ZNF704: variants seen among roughly 807,000 people sequenced by gnomAD.
ZNF704 encodes the protein zinc finger protein 704.
Under a neutral mutation model 44.7 loss-of-function variants are expected in ZNF704, and 10 were observed. That is an observed-to-expected ratio of 0.22 (90% CI 0.14 to 0.38). The LOEUF (loss-of-function observed/expected upper bound fraction) is 0.38. Among genes scored for constraint, ZNF704 ranks in the 10% least tolerant of loss-of-function variants. ZNF704 has a pLI of 1.00. For missense variants in ZNF704, 390 were observed against 545.5 expected, an observed-to-expected ratio of 0.71 and a Z score of 2.84; for synonymous variants, 211 against 207.6, an observed-to-expected ratio of 1.02 and a Z score of -0.14.
chr8:80,632,930 G>A lies in ZNF704; in HGVS notation c.*8436C>T, dbSNP rs1197074161. The A allele has an allele frequency of 1.3e-5, 2 of 152,270 alleles. No homozygotes were observed. The highest frequency in any genetic ancestry group is 1.5e-5 in the Non-Finnish European group (1 of 68,020). The allele number at this position is 152,270 out of a possible 1,614,324, so 9.4% of individuals were successfully genotyped here. On this transcript the variant is annotated 3_prime_UTR_variant, in exon 9 of 9. Coordinates refer to ENST00000327835, the MANE Select transcript of ZNF704 (RefSeq NM_001033723.3). Reference sequence around the variant, plus strand: ...CAAAAACCCTGTTCATGATGTAGGAGTCTGGCCAAAAAGTTTTTTTTTGAG... The same window carrying A: ...CAAAAACCCTGTTCATGATGTAGGAATCTGGCCAAAAAGTTTTTTTTTGAG...
At chr8:80,809,360 G>C (rs940363147) in intron 2 of ZNF704, among the ~76,000 whole-genome samples, 5 of 152,176 alleles carry the variant, frequency 3.3e-5, no homozygotes, top group African/African-American at 4.8e-5. Flanking sequence ...AAAAATATGT[G>C]ATAGCAAATT....
chr8:80,833,896 G>A (rs1808512355), intron 1 of ZNF704, among the ~76,000 whole-genome samples: 1 of 152,080 alleles, frequency 6.6e-6, no homozygotes. Flanking sequence ...TTTTGGAATG[G>A]GCCAAAGTGT....
At chr8:80,775,444 G>A (rs1468922389) in intron 2 of ZNF704, among the ~76,000 whole-genome samples, 1 of 152,186 alleles carries the variant, frequency 6.6e-6, no homozygotes, top group African/African-American at 2.4e-5. Context: ...GGTGGCATCT[G>A]AGAAGCCATG....
At chr8:80,876,359 A>C (rs896011996), upstream of ZNF704, among the ~76,000 whole-genome samples, 3 of 152,252 alleles carry the variant, frequency 2.0e-5, no homozygotes, top group South Asian at 6.2e-4. Context: ...TAGAGTGTGC[A>C]AAGAATTAAG....
chr8:80,689,450 G>C (rs1431335408), intron 3 of ZNF704, among the ~76,000 whole-genome samples: 1 of 152,094 alleles, frequency 6.6e-6, no homozygotes, highest in Non-Finnish European at 1.5e-5. Context: ...ACTCCCTGCA[G>C]TCTACACAGA....
intron 2 of ZNF704, among the ~76,000 whole-genome samples, chr8:80,720,522 G>C (rs35734659): frequency 0.17 from 26,488 of 152,168 alleles, 4,695 homozygotes; most frequent in African/African-American, 0.46. Flanking sequence ...AGTTCTATTT[G>C]AATAACTCAG....
intron 2 of ZNF704, chr8:80,812,591 G>A (rs976595686): frequency 4.6e-5 from 7 of 152,378 alleles, no homozygotes; most frequent in Admixed American, 6.5e-5. Flanking sequence ...TTTGCCTCTA[G>A]GCTTCTTAGG....
At chr8:80,652,539 C>T (rs1014383601) in intron 7 of ZNF704, among the ~76,000 whole-genome samples, 8 of 152,280 alleles carry the variant, frequency 5.3e-5, no homozygotes, top group African/African-American at 1.9e-4. Flanking sequence ...ACTATAAACA[C>T]CTCTATGCAA....
At chr8:80,841,619 A>G (rs925199767) in intron 1 of ZNF704, among the ~76,000 whole-genome samples, 1 of 152,218 alleles carries the variant, frequency 6.6e-6, no homozygotes, top group Admixed American at 6.5e-5. Flanking sequence ...TATCACTGCT[A>G]ATAGACTTGT....
At chr8:80,714,837 T>G (rs530448290) in intron 2 of ZNF704, among the ~76,000 whole-genome samples, 87 of 152,276 alleles carry the variant, frequency 5.7e-4, no homozygotes, top group Non-Finnish European at 1.0e-3. Context: ...TTGTGATCTT[T>G]CAGTATAAAT....
chr8:80,738,811 A>C (rs897935002), intron 2 of ZNF704, among the ~76,000 whole-genome samples: 3 of 152,156 alleles, frequency 2.0e-5, no homozygotes, highest in Non-Finnish European at 4.4e-5. Context: ...TTATTGGCTG[A>C]AAAGAAAATG....
intron 2 of ZNF704, among the ~76,000 whole-genome samples, chr8:80,719,066 G>A (rs7834232): frequency 0.069 from 10,535 of 151,898 alleles, 1,218 homozygotes; most frequent in African/African-American, 0.24. Context: ...TCCCAGGCTC[G>A]ATCAATTCTC....
chr8:80,873,348 G>A (rs1809289847), intron 1 of ZNF704, among the ~76,000 whole-genome samples: 1 of 152,096 alleles, frequency 6.6e-6, no homozygotes, highest in African/African-American at 2.4e-5. Flanking sequence ...AGACGCAGGG[G>A]CCCAAGGCGC....
intron 2 of ZNF704, among the ~76,000 whole-genome samples, chr8:80,790,110 C>T (rs1807679299): frequency 6.6e-6 from 1 of 152,162 alleles, no homozygotes; most frequent in Non-Finnish European, 1.5e-5. Flanking sequence ...AGCTGTTGTT[C>T]TCACTCTTCA....
intron 2 of ZNF704, among the ~76,000 whole-genome samples, chr8:80,799,894 C>A (rs1040334077): frequency 6.6e-6 from 1 of 151,828 alleles, no homozygotes; most frequent in South Asian, 2.1e-4. Flanking sequence ...CATGTCTAAC[C>A]CAATGCAAAG....
rs544476228 is a variant in ZNF704, at chr8:80,785,138, C to T, written c.221+36236G>A. ...TTATGCCCCCTCAGGCTCTTGCTGG[C>T]TGTGATGTTTCCCAGACTTTCCTTG... is the stretch of plus-strand genomic sequence containing the variant. On this transcript the variant is annotated intron_variant, in intron 2 of 8. Coordinates refer to ENST00000327835, the MANE Select transcript of ZNF704 (RefSeq NM_001033723.3). Among the ~76,000 whole-genome samples, 5 of 152,292 alleles carry T rather than the reference C, an allele frequency of 3.3e-5. No individual in the cohort carries two copies. In the South Asian group the frequency reaches 1.0e-3, roughly 32 times the overall value.
chr8:80,873,025 G>A (rs1405709124), intron 1 of ZNF704, among the ~76,000 whole-genome samples: 1 of 152,220 alleles, frequency 6.6e-6, no homozygotes, highest in African/African-American at 2.4e-5. Flanking sequence ...ACAAGCGCCT[G>A]TGATGGAAAC....
intron 2 of ZNF704, among the ~76,000 whole-genome samples, chr8:80,769,385 C>T (rs1005193641): frequency 6.6e-6 from 1 of 152,166 alleles, no homozygotes; most frequent in Admixed American, 6.5e-5. Context: ...TTTCACACTG[C>T]TGATAAAAGA....
intron 2 of ZNF704, 58 bp downstream of exon 2, chr8:80,821,316 T>G: frequency 6.6e-7 from 1 of 1,513,200 alleles, no homozygotes; most frequent in Non-Finnish European, 9.2e-7. Flanking sequence ...GCAGAGATTA[T>G]GCATGCTCTC....
Sources: allele counts gnomAD v4.1 joint callset (sites outside exome capture counted in the v4.1 genomes callset), GRCh38; gene constraint gnomAD v4.1.1; transcripts MANE v1.5; gene names NCBI Gene and HGNC (gene_info 2026-07-23, HGNC 2026-07-21).